The following CNTNAP3B variants were observed in gnomAD, a reference collection of about 807,000 sequenced individuals.
CNTNAP3B encodes contactin associated protein family member 3B, also known as contactin-associated protein-like 3B.
CNTNAP3B carries 25 observed loss-of-function variants against 108.9 expected under a neutral mutation model. That is an observed-to-expected ratio of 0.23 (90% CI 0.17 to 0.32). The LOEUF (loss-of-function observed/expected upper bound fraction) is 0.32, where lower values mean the gene tolerates loss of function less well. Among genes scored for constraint, CNTNAP3B ranks in the 10% least tolerant of loss-of-function variants. The probability of loss-of-function intolerance (pLI) is 1.00; values close to 1 mark genes in which losing one functional copy is unlikely to be tolerated. For synonymous variants in CNTNAP3B, 103 were observed against 473.4 expected, an observed-to-expected ratio of 0.22 and a Z score of 10.16; for missense variants, 252 against 1,210.4, an observed-to-expected ratio of 0.21 and a Z score of 11.75.
At chr9:41,931,149 A>T (rs1320316701) in intron 14 of CNTNAP3B, among the ~76,000 whole-genome samples, 1 of 152,294 alleles carries the variant, frequency 6.6e-6, no homozygotes, top group African/African-American at 2.4e-5. Flanking sequence ...TCATTGCAAC[A>T]CTTTTGTATT....
chr9:42,086,375 T>C (rs1314682348), intron 2 of CNTNAP3B, among the ~76,000 whole-genome samples: 37 of 134,046 alleles, frequency 2.8e-4, no homozygotes, highest in African/African-American at 1.0e-3. Context: ...ATAATGTTGC[T>C]ATGAATATAT....
intron 6 of CNTNAP3B, among the ~76,000 whole-genome samples, 191 bp downstream of exon 6, chr9:41,997,377 T>C (rs2118374791): frequency 6.6e-6 from 1 of 152,322 alleles, no homozygotes; most frequent in East Asian, 1.9e-4. Context: ...TTACTTCTTT[T>C]CAAGGTGGAA....
chr9:42,070,665 G>A (rs1294046677), intron 3 of CNTNAP3B, among the ~76,000 whole-genome samples: 1 of 152,078 alleles, frequency 6.6e-6, no homozygotes, highest in Non-Finnish European at 1.5e-5. Flanking sequence ...ATCCTTTCCT[G>A]CTCTCTCATA....
At position 41,893,977 on chromosome 9, in the gene CNTNAP3B, T is replaced by G; in HGVS notation, c.*12A>C. 1.3e-5 allele frequency: 2 copies of G among 152,914 alleles called. No individual in the cohort carries two copies. Among genetic ancestry groups the G allele is most frequent in the Non-Finnish European group, 2.3e-5 (2 of 86,188 alleles). 9.5% of individuals were successfully genotyped at this position (152,914 alleles called of 1,614,324 possible). A position where few individuals can be genotyped will look rare whatever the true frequency, so the allele number is the denominator to read the frequency against. ...TGCGTTTTGCACATCGAGCTCACTG[T>G]TTAGAGCTGTCCTAGCACTCTTCTT... On this transcript the variant is annotated 3_prime_UTR_variant, in exon 24 of 24. Transcript: ENST00000377561.
At chr9:41,936,881 G>A (rs1824172878) in intron 14 of CNTNAP3B, among the ~76,000 whole-genome samples, 1 of 152,302 alleles carries the variant, frequency 6.6e-6, no homozygotes, top group Non-Finnish European at 1.5e-5. Context: ...CCATGTAAAT[G>A]TATAGTATGT....
chr9:41,990,609 C>T (rs984458455), intron 8 of CNTNAP3B, among the ~76,000 whole-genome samples: 1 of 132,734 alleles, frequency 7.5e-6, no homozygotes, highest in Non-Finnish European at 1.6e-5. Context: ...TGATATCCCC[C>T]TGGTCTCAAG....
intron 3 of CNTNAP3B, among the ~76,000 whole-genome samples, chr9:42,063,661 C>T (rs1260117092): frequency 7.3e-6 from 1 of 136,182 alleles, no homozygotes; most frequent in Non-Finnish European, 1.6e-5. Context: ...TCCTTCCTTC[C>T]TGTCTTCCTT....
intron 3 of CNTNAP3B, among the ~76,000 whole-genome samples, chr9:42,028,892 C>T (rs1383948979): frequency 1.3e-5 from 2 of 151,892 alleles, no homozygotes; most frequent in Non-Finnish European, 2.9e-5. Flanking sequence ...ATTGTGTTTT[C>T]AAGCTTTTTT....
intron 1 of CNTNAP3B, among the ~76,000 whole-genome samples, chr9:42,128,529 A>G (rs1471457021): frequency 7.3e-6 from 1 of 137,746 alleles, no homozygotes; most frequent in Non-Finnish European, 1.5e-5. Context: ...CTCTGTCCCT[A>G]TACTGCGTGG....
intron 14 of CNTNAP3B, among the ~76,000 whole-genome samples, chr9:41,935,936 T>C (rs1246630370): frequency 2.0e-5 from 3 of 152,278 alleles, no homozygotes; most frequent in Non-Finnish European, 2.9e-5. Context: ...TCCCATCCCC[T>C]CCTCAAACTC....
At chr9:41,966,605 T>A (rs1825283282) in intron 10 of CNTNAP3B, among the ~76,000 whole-genome samples, 1 of 152,280 alleles carries the variant, frequency 6.6e-6, no homozygotes, top group Non-Finnish European at 1.5e-5. Flanking sequence ...CTGGAAGCTC[T>A]GCCATGTGGT....
intron 13 of CNTNAP3B, among the ~76,000 whole-genome samples, chr9:41,951,994 T>A (rs1824701621): frequency 6.6e-6 from 1 of 152,248 alleles, no homozygotes; most frequent in African/African-American, 2.4e-5. Flanking sequence ...GGAGAATCGC[T>A]TGAATCCGGG....
intron 13 of CNTNAP3B, among the ~76,000 whole-genome samples, chr9:41,938,877 T>G (rs959559747): frequency 4.6e-5 from 7 of 152,402 alleles, no homozygotes; most frequent in Admixed American, 3.3e-4. Context: ...CTGTCAGTAC[T>G]TACTAATTTT....
intron 10 of CNTNAP3B, among the ~76,000 whole-genome samples, chr9:41,965,052 A>T (rs1449218953): frequency 6.6e-6 from 1 of 152,284 alleles, no homozygotes; most frequent in Non-Finnish European, 1.5e-5. Context: ...AAACAGGAAC[A>T]GCTTCAGTCA....
At chr9:42,126,540 T>A (rs1207588441) in intron 1 of CNTNAP3B, among the ~76,000 whole-genome samples, 5 of 137,174 alleles carry the variant, frequency 3.6e-5, no homozygotes, top group Non-Finnish European at 6.2e-5. Context: ...CTGCACATAA[T>A]CCCCAAAATG....
intron 13 of CNTNAP3B, among the ~76,000 whole-genome samples, chr9:41,941,134 G>A (rs1387417557): frequency 1.3e-5 from 2 of 151,142 alleles, no homozygotes; most frequent in African/African-American, 2.4e-5. Flanking sequence ...ATTTCATTAT[G>A]AGAGTGAAGA....
chr9:41,979,769 T>A (rs1364639606), intron 9 of CNTNAP3B: 1 of 101,728 alleles, frequency 9.8e-6, no homozygotes, highest in Non-Finnish European at 1.9e-5. Context: ...TGTGTATTTT[T>A]GTAGATACAG....
intron 3 of CNTNAP3B, among the ~76,000 whole-genome samples, chr9:42,060,076 G>C (rs1475985673): frequency 6.8e-6 from 1 of 147,930 alleles, no homozygotes; most frequent in Non-Finnish European, 1.5e-5. Context: ...AAGAAGTGGT[G>C]ATAGTGGGCA....
intron 3 of CNTNAP3B, among the ~76,000 whole-genome samples, chr9:42,059,928 G>A (rs1477729258): frequency 3.4e-5 from 5 of 148,010 alleles, no homozygotes; most frequent in Admixed American, 6.7e-5. Flanking sequence ...TTTTGTTGAA[G>A]TCTTTAGGGC....
Sources: allele counts gnomAD v4.1 joint callset (sites outside exome capture counted in the v4.1 genomes callset), GRCh38; gene constraint gnomAD v4.1.1; transcripts MANE v1.5; gene names NCBI Gene and HGNC (gene_info 2026-07-23, HGNC 2026-07-21).